The following RABL3 variants were observed in gnomAD, a reference collection of about 807,000 sequenced individuals.
The protein encoded by RABL3 is rab-like protein 3.
Under a neutral mutation model 31.8 loss-of-function variants are expected in RABL3, and 31 were observed. That is an observed-to-expected ratio of 0.97 (90% confidence interval 0.73 to 1.31). The LOEUF is 1.31. RABL3 is among the 40% of genes most tolerant of loss of function. The pLI, the probability that RABL3 is intolerant of heterozygous loss-of-function variation, is 0.00. For missense variants in RABL3, 263 were observed against 279.6 expected (o/e 0.94, Z 0.42); for synonymous variants, 97 against 99.9 (o/e 0.97, Z 0.18).
chr3:120,732,959 T>C (rs1272283926), intron 1 of RABL3, among the ~76,000 whole-genome samples: 2 of 152,122 alleles, frequency 1.3e-5, no homozygotes, highest in South Asian at 2.1e-4. Context: ...ATCCAGTCTA[T>C]CATTGATGGA....
intron 1 of RABL3, among the ~76,000 whole-genome samples, chr3:120,737,744 C>G (rs1169004490): frequency 6.6e-6 from 1 of 152,198 alleles, no homozygotes; most frequent in Non-Finnish European, 1.5e-5. Flanking sequence ...TTCTAACAGT[C>G]AGGACCCTCA....
intron 4 of RABL3, among the ~76,000 whole-genome samples, chr3:120,703,139 A>G (rs1251943538): frequency 6.6e-6 from 1 of 152,208 alleles, no homozygotes; most frequent in Non-Finnish European, 1.5e-5. Flanking sequence ...ATTTGATCCT[A>G]CTTAGTGTAC....
chr3:120,720,760 TGCAGGATATTATC>T (rs1390789731), intron 2 of RABL3, among the ~76,000 whole-genome samples: 1 of 152,232 alleles, frequency 6.6e-6, no homozygotes, highest in African/African-American at 2.4e-5. Context: ...GAAAACACTC[TGCAGGATATTATC>T]TAGGAGAACT....
intron 1 of RABL3, among the ~76,000 whole-genome samples, chr3:120,739,293 C>T (rs758773716): frequency 1.1e-4 from 16 of 151,974 alleles, no homozygotes; most frequent in Non-Finnish European, 2.2e-4. Flanking sequence ...AAGAGAATCA[C>T]TTGAACCCAG....
At chr3:120,694,093 A>G in intron 6 of RABL3, 60 bp downstream of exon 6, 1 of 1,134,732 alleles carries the variant, frequency 8.8e-7, no homozygotes. Context: ...TCTACAAAAA[A>G]ATTTTAAACT....
rs1708302837 is a variant in RABL3, at chr3:120,685,940, C to T, written c.*3883G>A. ...TTTTCAGCAAGCACTTCAGGGGATT[C>T]TTACACACTTCAGAGTTTGAAAGCC... On this transcript the variant is annotated 3_prime_UTR_variant, in exon 8 of 8. Transcript: ENST00000273375. 6.6e-6 allele frequency among the ~76,000 whole-genome samples: 1 copy of T among 152,212 alleles called. No homozygotes were observed. Among genetic ancestry groups the T allele is most frequent in the Non-Finnish European group, 1.5e-5 (1 of 68,046 alleles).
chr3:120,729,321 A>G (rs575965218), intron 2 of RABL3, among the ~76,000 whole-genome samples: 3 of 152,194 alleles, frequency 2.0e-5, no homozygotes, highest in Non-Finnish European at 4.4e-5. Flanking sequence ...AATGACAGAA[A>G]TGAAAAGGCG....
At chr3:120,712,501 G>A (rs1311933593) in intron 2 of RABL3, among the ~76,000 whole-genome samples, 1 of 152,120 alleles carries the variant, frequency 6.6e-6, no homozygotes, top group African/African-American at 2.4e-5. Context: ...TATCTGTTAT[G>A]AAAAAGCTCA....
intron 2 of RABL3, among the ~76,000 whole-genome samples, chr3:120,711,289 GACTGATCCTTGACTCCTTTCAT>G (rs1708610147): frequency 6.6e-6 from 1 of 152,080 alleles, no homozygotes. Context: ...AAAAACTTAA[GACTGATCCTTGACTCCTTTCAT>G]ATTGCATTAT....
intron 2 of RABL3, among the ~76,000 whole-genome samples, chr3:120,711,500 T>C (rs1311391911): frequency 6.6e-6 from 1 of 152,168 alleles, no homozygotes; most frequent in Non-Finnish European, 1.5e-5. Flanking sequence ...CCCTGTTTGT[T>C]TTCTATACAG....
chr3:120,713,880 A>G lies in RABL3; in HGVS notation c.139-3971T>C, dbSNP rs529466528. On this transcript the variant is annotated intron_variant, in intron 2 of 7. Transcript: ENST00000273375. The stretch of plus-strand genomic sequence containing the variant: ...GGCTGGAGTGCAGTGGCATGATTTC[A>G]GCTCACTGCAACCTCCGCCTCCCTG... 3.8e-3 allele frequency among the ~76,000 whole-genome samples: 541 copies of G among 141,236 alleles called. 4 individuals carry two copies. The highest frequency in any genetic ancestry group is 0.014 in the African/African-American group (515 of 37,662). The allele number at this position is 141,236 out of a possible 152,430, so 92.7% of individuals were successfully genotyped here.
At chr3:120,713,008 G>C (rs1441686349) in intron 2 of RABL3, among the ~76,000 whole-genome samples, 1 of 151,676 alleles carries the variant, frequency 6.6e-6, no homozygotes, top group Non-Finnish European at 1.5e-5. Context: ...ACATGATTAA[G>C]TTTGGCAACC....
intron 2 of RABL3, among the ~76,000 whole-genome samples, chr3:120,721,615 C>T (rs1271927884): frequency 6.6e-6 from 1 of 152,186 alleles, no homozygotes; most frequent in Non-Finnish European, 1.5e-5. Flanking sequence ...ATCAATTCAA[C>T]AAGAACAGCT....
At chr3:120,736,765 A>G (rs1708971953) in intron 1 of RABL3, among the ~76,000 whole-genome samples, 1 of 152,128 alleles carries the variant, frequency 6.6e-6, no homozygotes. Flanking sequence ...TTGTCTGTCA[A>G]GTATTTTATT....
intron 1 of RABL3, among the ~76,000 whole-genome samples, chr3:120,737,579 T>C (rs528566835): frequency 1.3e-5 from 2 of 152,370 alleles, no homozygotes; most frequent in Admixed American, 1.3e-4. Context: ...GCTGCGTTTC[T>C]TTGCAGGGGG....
At chr3:120,740,735 C>A (rs1207605271) in intron 1 of RABL3, among the ~76,000 whole-genome samples, 1 of 152,120 alleles carries the variant, frequency 6.6e-6, no homozygotes, top group Non-Finnish European at 1.5e-5. Flanking sequence ...GACAAAATTA[C>A]CTTTTAAAAA....
At chr3:120,704,706 AT>A (rs907179365) in intron 4 of RABL3, among the ~76,000 whole-genome samples, 12 of 151,506 alleles carry the variant, frequency 7.9e-5, no homozygotes, top group African/African-American at 2.7e-4. Flanking sequence ...AATCAATTCT[AT>A]TTTTTTTTAT....
At chr3:120,727,732 AAAGAG>A (rs1708838885) in intron 2 of RABL3, among the ~76,000 whole-genome samples, 2 of 152,218 alleles carry the variant, frequency 1.3e-5, no homozygotes, top group Admixed American at 1.3e-4. Flanking sequence ...TGATATATGA[AAAGAG>A]CAGCACAAGA....
At chr3:120,727,579 T>C (rs1189774331) in intron 2 of RABL3, among the ~76,000 whole-genome samples, 1 of 152,046 alleles carries the variant, frequency 6.6e-6, no homozygotes, top group Non-Finnish European at 1.5e-5. Context: ...CAGAAATTAA[T>C]ACTTCCCAAC....
Sources: allele counts gnomAD v4.1 joint callset (sites outside exome capture counted in the v4.1 genomes callset), GRCh38; gene constraint gnomAD v4.1.1; transcripts MANE v1.5; gene names NCBI Gene and HGNC (gene_info 2026-07-23, HGNC 2026-07-21).